Variants in KHDRBS2 observed in about 807,000 individuals in gnomAD.
KHDRBS2 encodes KH RNA binding domain containing, signal transduction associated 2.
KHDRBS2 carries 26 observed loss-of-function variants against 44.3 expected under a neutral mutation model. That is an observed-to-expected ratio of 0.59 (90% CI 0.43 to 0.81). KHDRBS2 has a LOEUF of 0.81. KHDRBS2 is among the 40% of genes least tolerant of loss of function. The probability of loss-of-function intolerance (pLI) is 0.00; values close to 1 mark genes in which losing one functional copy is unlikely to be tolerated. For missense variants in KHDRBS2, 476 were observed against 433.1 expected (o/e 1.10, Z -0.88); for synonymous variants, 194 against 151.1 (o/e 1.28, Z -2.08).
At chr6:61,923,021 A>G (rs1165039311) in intron 4 of KHDRBS2, among the ~76,000 whole-genome samples, 1 of 152,110 alleles carries the variant, frequency 6.6e-6, no homozygotes, top group Non-Finnish European at 1.5e-5. Flanking sequence ...AGACATTAAA[A>G]CAGTTATGAT....
chr6:61,974,367 A>G (rs558375881), intron 4 of KHDRBS2, among the ~76,000 whole-genome samples: 5 of 152,072 alleles, frequency 3.3e-5, no homozygotes, highest in African/African-American at 1.2e-4. Flanking sequence ...ATAAAATACA[A>G]TAGTGGCAAT....
intron 1 of KHDRBS2, among the ~76,000 whole-genome samples, chr6:62,246,128 AT>A (rs1835529893): frequency 6.8e-6 from 1 of 146,694 alleles, no homozygotes; most frequent in South Asian, 2.1e-4. Flanking sequence ...ATATATATAT[AT>A]ATATATAATC....
chr6:61,685,176 T>C (rs1021475471), intron 8 of KHDRBS2, among the ~76,000 whole-genome samples: 11 of 151,786 alleles, frequency 7.2e-5, no homozygotes, highest in African/African-American at 2.4e-4. Flanking sequence ...CATTTAATCA[T>C]CTCAAAGAAG....
At chr6:62,048,864 A>G (rs1471272114) in intron 2 of KHDRBS2, among the ~76,000 whole-genome samples, 1 of 151,950 alleles carries the variant, frequency 6.6e-6, no homozygotes, top group African/African-American at 2.4e-5. Flanking sequence ...TGCACCAAAA[A>G]CTATCTTGGG....
intron 1 of KHDRBS2, among the ~76,000 whole-genome samples, chr6:62,222,458 CT>C (rs1231488151): frequency 6.6e-6 from 1 of 152,118 alleles, no homozygotes; most frequent in East Asian, 1.9e-4. Context: ...GCAGAAACCC[CT>C]GATAAAACCA....
intron 6 of KHDRBS2, among the ~76,000 whole-genome samples, chr6:61,733,726 T>A (rs115449413): frequency 0.025 from 3,774 of 152,304 alleles, 75 homozygotes; most frequent in Middle Eastern, 0.082. Context: ...AGATTTGTCA[T>A]AGCAGCATGT....
At chr6:62,016,168 A>C (rs1372399374) in intron 3 of KHDRBS2, among the ~76,000 whole-genome samples, 3 of 152,088 alleles carry the variant, frequency 2.0e-5, no homozygotes, top group Non-Finnish European at 2.9e-5. Flanking sequence ...CTATAAGCTT[A>C]TACTTGGGAA....
intron 1 of KHDRBS2, among the ~76,000 whole-genome samples, chr6:62,283,666 T>C (rs1183829513): frequency 1.3e-5 from 2 of 152,126 alleles, no homozygotes; most frequent in African/African-American, 4.8e-5. Flanking sequence ...TACTCTTCTA[T>C]AGAGATCTGA....
intron 2 of KHDRBS2, among the ~76,000 whole-genome samples, chr6:62,069,229 C>T (rs1483498442): frequency 6.6e-6 from 1 of 151,456 alleles, no homozygotes; most frequent in Non-Finnish European, 1.5e-5. Flanking sequence ...TTAACTCATA[C>T]TTTGTATATC....
the KHDRBS2 span, among the ~76,000 whole-genome samples, chr6:61,607,546 G>C: frequency 1.0e-4 from 3 of 30,134 alleles, no homozygotes; most frequent in South Asian, 1.1e-3. Context: ...AAAAAAAAAA[G>C]ATGTGTGAGA....
At chr6:61,945,659 A>AT (rs34871602) in intron 4 of KHDRBS2, among the ~76,000 whole-genome samples, 11 of 133,810 alleles carry the variant, frequency 8.2e-5, no homozygotes, top group Admixed American at 6.8e-4. Context: ...CTTGATTTCA[A>AT]TTTTTTTCTA....
At chr6:61,950,141 G>A (rs1196892989) in intron 4 of KHDRBS2, among the ~76,000 whole-genome samples, 2 of 151,994 alleles carry the variant, frequency 1.3e-5, no homozygotes, top group Non-Finnish European at 2.9e-5. Context: ...AGTTTATTGG[G>A]TGACAGCTGA....
At chr6:61,675,984 G>T (rs551563969), downstream of KHDRBS2, among the ~76,000 whole-genome samples, 1 of 151,746 alleles carries the variant, frequency 6.6e-6, no homozygotes, top group Non-Finnish European at 1.5e-5. Context: ...CTTGCATGAG[G>T]TGGATGTCAG....
chr6:61,897,551 C>T lies in KHDRBS2; in HGVS notation c.612-2718G>A, dbSNP rs1803136971. Among the ~76,000 whole-genome samples, 3 of 152,064 alleles carry T rather than the reference C, an allele frequency of 2.0e-5. No homozygotes were observed. In the South Asian group the frequency reaches 6.2e-4, roughly 31 times the overall value. The stretch of plus-strand genomic sequence containing the variant: ...AAATTTATCTTTCTCTTGGGGAACT[C>T]TTCTTCTCCAACGTTTAATTGGCAT... On this transcript the variant is annotated intron_variant, in intron 5 of 8. Transcript: ENST00000281156.
At chr6:62,163,129 G>A (rs959928403) in intron 2 of KHDRBS2, among the ~76,000 whole-genome samples, 1 of 152,012 alleles carries the variant, frequency 6.6e-6, no homozygotes, top group Non-Finnish European at 1.5e-5. Context: ...CTATTAAGTT[G>A]CGTGGAAGAG....
the KHDRBS2 span, among the ~76,000 whole-genome samples, chr6:61,619,957 C>T: frequency 6.6e-6 from 1 of 152,004 alleles, no homozygotes; most frequent in African/African-American, 2.4e-5. Context: ...TGCATTAAGA[C>T]CTTCAGTCTG....
At chr6:61,898,468 C>A (rs577250667) in intron 5 of KHDRBS2, among the ~76,000 whole-genome samples, 2 of 151,960 alleles carry the variant, frequency 1.3e-5, no homozygotes, top group Non-Finnish European at 2.9e-5. Flanking sequence ...TATCCAAGGT[C>A]AACATTTTAA....
rs140896292 is a variant in KHDRBS2 at position 62,040,988 on chromosome 6, A to G, written c.336+6890T>C. On this transcript the variant is annotated intron_variant, in intron 3 of 8. Coordinates refer to ENST00000281156, the MANE Select transcript of KHDRBS2 (RefSeq NM_152688.4). ...GAAATTTAAAATATTGTCCAGATAT[A>G]TAACCTGGCCCCTTTCCATATTGGT... Among the ~76,000 whole-genome samples the G allele has an allele frequency of 3.5e-3, 538 of 152,270 alleles. 2 individuals are homozygous for G. Among genetic ancestry groups the G allele is most frequent in the Non-Finnish European group, 5.5e-3 (371 of 67,990 alleles).
At chr6:61,715,579 T>C (rs186431370) in intron 7 of KHDRBS2, among the ~76,000 whole-genome samples, 1 of 152,142 alleles carries the variant, frequency 6.6e-6, no homozygotes, top group East Asian at 1.9e-4. Context: ...CATCAGCTCT[T>C]CTGAGAAGCC....
Sources: gnomAD v4.1 joint callset for allele counts (sites outside exome capture counted in the v4.1 genomes callset) on GRCh38, gnomAD v4.1.1 for gene constraint, MANE v1.5 for transcripts, NCBI Gene and HGNC (gene_info 2026-07-23, HGNC 2026-07-21) for gene names.